The following SIK3 variants were observed in gnomAD, a reference collection of about 807,000 sequenced individuals.
SIK3 encodes the protein SIK family kinase 3.
In SIK3, 28 loss-of-function variants were observed where a neutral mutation model predicts 144.2. The observed-to-expected ratio is 0.19, with a 90% CI of 0.14 to 0.27. SIK3 has a LOEUF of 0.27. Among genes scored for constraint, SIK3 ranks in the 10% least tolerant of loss-of-function variants. SIK3 has a pLI of 1.00. For missense variants in SIK3, 1,319 were observed against 1,776.0 expected, an observed-to-expected ratio of 0.74 and a Z score of 4.62; for synonymous variants, 686 against 676.3, an observed-to-expected ratio of 1.01 and a Z score of -0.22.
At chr11:116,862,952 T>C (rs1034443143) in intron 16 of SIK3, among the ~76,000 whole-genome samples, 1 of 152,010 alleles carries the variant, frequency 6.6e-6, no homozygotes, top group Non-Finnish European at 1.5e-5. Flanking sequence ...TGCACGCCTG[T>C]AGTCCCAGCT....
At chr11:117,086,492 C>T (rs1955012340) in intron 1 of SIK3, among the ~76,000 whole-genome samples, 1 of 151,884 alleles carries the variant, frequency 6.6e-6, no homozygotes, top group Non-Finnish European at 1.5e-5. Context: ...AGTTCAAGAC[C>T]ACCCTGGCCA....
chr11:116,883,664 T>G (rs553241769), intron 6 of SIK3, among the ~76,000 whole-genome samples: 8 of 152,218 alleles, frequency 5.3e-5, no homozygotes, highest in African/African-American at 1.9e-4. Flanking sequence ...CCCGGCATGG[T>G]GGCTCACGCC....
intron 1 of SIK3, among the ~76,000 whole-genome samples, chr11:117,066,447 T>TAAA: frequency 6.6e-6 from 1 of 152,036 alleles, no homozygotes; most frequent in Non-Finnish European, 1.5e-5. Flanking sequence ...AAAAAAATCT[T>TAAA]TGCAAAGCGT....
chr11:116,935,992 A>G (rs748783220), intron 3 of SIK3, among the ~76,000 whole-genome samples: 25 of 152,296 alleles, frequency 1.6e-4, no homozygotes, highest in Non-Finnish European at 3.4e-4. Context: ...ATCTAAATTT[A>G]GGCCAGGTGT....
At position 117,063,088 on chromosome 11, in the gene SIK3, G is replaced by C. The variant is rs533886779; in HGVS notation, c.273+35055C>G. 4.6e-5 allele frequency among the ~76,000 whole-genome samples: 7 copies of C among 152,158 alleles called. 1 individual carries two copies. In the South Asian group the frequency reaches 1.5e-3, roughly 32 times the overall value. On this transcript the variant is annotated intron_variant, in intron 1 of 24. Coordinates refer to ENST00000445177, the MANE Select transcript of SIK3 (RefSeq NM_001366686.3). Reference sequence around the variant, plus strand: ...TAATGAATTACATGACTACTTAAAGGGGTTTCTTACTCCTTGTACAATATT... The same window carrying C: ...TAATGAATTACATGACTACTTAAAGCGGTTTCTTACTCCTTGTACAATATT...
intron 3 of SIK3, among the ~76,000 whole-genome samples, chr11:116,934,953 C>T (rs531823065): frequency 2.0e-5 from 3 of 152,210 alleles, no homozygotes; most frequent in Non-Finnish European, 2.9e-5. Flanking sequence ...GGTGTGGTGG[C>T]GCATGCCTAT....
At chr11:117,045,646 A>C (rs1952930377) in intron 1 of SIK3, among the ~76,000 whole-genome samples, 1 of 152,214 alleles carries the variant, frequency 6.6e-6, no homozygotes, top group Non-Finnish European at 1.5e-5. Context: ...AAGTAGAGGA[A>C]ATTCTCTTTT....
chr11:116,871,635 C>T (rs995420847), intron 13 of SIK3, among the ~76,000 whole-genome samples: 1 of 152,128 alleles, frequency 6.6e-6, no homozygotes, highest in Non-Finnish European at 1.5e-5. Flanking sequence ...AGTTAGGATG[C>T]CGTGGTGTTC....
At chr11:116,988,764 A>G (rs1313666979) in intron 1 of SIK3, among the ~76,000 whole-genome samples, 1 of 151,834 alleles carries the variant, frequency 6.6e-6, no homozygotes, top group Non-Finnish European at 1.5e-5. Flanking sequence ...ACTGCACTCC[A>G]GCCTAGGTAA....
chr11:116,873,427 C>T, intron 13 of SIK3, 54 bp downstream of exon 13: 3 of 1,613,212 alleles, frequency 1.9e-6, no homozygotes, highest in Non-Finnish European at 1.7e-6. Context: ...AGGCTCACAA[C>T]CTTTTTATCA....
chr11:116,945,285 T>A lies in SIK3; in HGVS notation c.454+8759A>T, dbSNP rs1391988533. ...GGACAGTGGCTGTCGTGTTGGGCAGTGTAGTTTTAGACTTTCATCTCTCCA... is the reference window on the plus strand; with the variant it reads ...GGACAGTGGCTGTCGTGTTGGGCAGAGTAGTTTTAGACTTTCATCTCTCCA... On this transcript the variant is annotated intron_variant, in intron 3 of 24. Transcript: ENST00000445177. Among the ~76,000 whole-genome samples, 8 of 151,630 alleles carry A rather than the reference T, an allele frequency of 5.3e-5. No homozygotes were observed. The East Asian group carries it at 1.4e-3, about 26-fold the overall frequency.
chr11:117,098,427 G>C lies in SIK3; in HGVS notation c.-12C>G, dbSNP rs1485448184. On this transcript the variant is annotated 5_prime_UTR_variant, in exon 1 of 25. Transcript: ENST00000445177. ...GCCGCCGCCGCCATCTTGTTGTGCA[G>C]TGAAACCTCCGGGGCCGCGGGGAGC... 2 of 1,143,386 alleles carry C rather than the reference G, an allele frequency of 1.7e-6. No homozygotes were observed. Among genetic ancestry groups the C allele is most frequent in the African/African-American group, 1.6e-5 (1 of 60,866 alleles). 70.8% of individuals were successfully genotyped at this position (1,143,386 alleles called of 1,614,324 possible). A position where few individuals can be genotyped will look rare whatever the true frequency, so the allele number is the denominator to read the frequency against.
chr11:116,882,352 G>A (rs987457338), intron 6 of SIK3, among the ~76,000 whole-genome samples: 2 of 152,112 alleles, frequency 1.3e-5, no homozygotes, highest in African/African-American at 4.8e-5. Context: ...AGACTATGAT[G>A]GAAGGCTTGA....
At position 116,871,767 on chromosome 11, in the gene SIK3, A is replaced by G. The variant is rs186714282; in HGVS notation, c.1738-1366T>C. ...TAAGAAAGACAAGAGTTAAAGATAA[A>G]ATTCACATCCCTAGCTTGTGTAACC... On this transcript the variant is annotated intron_variant, in intron 13 of 24. Coordinates refer to ENST00000445177, the MANE Select transcript of SIK3 (RefSeq NM_001366686.3). Among the ~76,000 whole-genome samples the G allele has an allele frequency of 4.3e-3, 647 of 152,226 alleles. 2 individuals are homozygous for G. The highest frequency in any genetic ancestry group is 7.3e-3 in the Non-Finnish European group (499 of 68,018).
At position 117,096,793 on chromosome 11, in the gene SIK3, G is replaced by A. The variant is rs138594930; in HGVS notation, c.273+1350C>T. On this transcript the variant is annotated intron_variant, in intron 1 of 24. Transcript: ENST00000445177. ...AGGTTGCAAGTGATCAGGAGAGAAGGCCTAGATAAGTCACTGGCTTCAGAA... is the reference window on the plus strand; with the variant it reads ...AGGTTGCAAGTGATCAGGAGAGAAGACCTAGATAAGTCACTGGCTTCAGAA... Among the ~76,000 whole-genome samples, 408 of 152,200 alleles carry A rather than the reference G, an allele frequency of 2.7e-3. 3 individuals carry two copies. Among genetic ancestry groups the A allele is most frequent in the African/African-American group, 9.3e-3 (387 of 41,506 alleles).
intron 1 of SIK3, among the ~76,000 whole-genome samples, chr11:117,013,904 G>T (rs1565556508): frequency 0.026 from 1,619 of 62,310 alleles, 102 homozygotes; most frequent in African/African-American, 0.046. Flanking sequence ...TTCTGAGGGG[G>T]GGGGGGGGAG....
intron 1 of SIK3, among the ~76,000 whole-genome samples, chr11:117,067,785 G>A (rs933529563): frequency 1.3e-5 from 2 of 148,862 alleles, no homozygotes; most frequent in Non-Finnish European, 3.0e-5. Context: ...TCAGGAGTTC[G>A]AAACCAGCCA....
At chr11:116,859,063 T>C (rs893087959) in intron 20 of SIK3, among the ~76,000 whole-genome samples, 3 of 152,132 alleles carry the variant, frequency 2.0e-5, no homozygotes, top group Non-Finnish European at 4.4e-5. Context: ...TCCACCTCAG[T>C]CTCATTAGAA....
intron 3 of SIK3, among the ~76,000 whole-genome samples, chr11:116,949,106 TGCTTAGAGAG>T (rs1948810574): frequency 6.8e-6 from 1 of 147,986 alleles, no homozygotes; most frequent in African/African-American, 2.5e-5. Flanking sequence ...AGCCAAAGCA[TGCTTAGAGAG>T]AAATTTATAG....
Sources: allele counts gnomAD v4.1 joint callset (sites outside exome capture counted in the v4.1 genomes callset), GRCh38; gene constraint gnomAD v4.1.1; transcripts MANE v1.5; gene names NCBI Gene and HGNC (gene_info 2026-07-23, HGNC 2026-07-21).